Variants in ABHD13 observed in about 807,000 individuals in gnomAD.
ABHD13 encodes abhydrolase domain containing 13.
A neutral mutation model predicts 25.2 loss-of-function variants in ABHD13; 7 were observed. The ratio of observed to expected loss-of-function variants is 0.28; its 90% CI spans 0.16 to 0.52. ABHD13 has a LOEUF of 0.52. Ranked by LOEUF, ABHD13 falls within the 20% of genes least tolerant of loss-of-function variation. The pLI is 0.96. For synonymous variants in ABHD13, 133 were observed against 136.1 expected, an observed-to-expected ratio of 0.98 and a Z score of 0.16; for missense variants, 302 against 402.7, an observed-to-expected ratio of 0.75 and a Z score of 2.14.
intron 1 of ABHD13, among the ~76,000 whole-genome samples, chr13:108,219,646 C>T (rs1000801421): frequency 6.6e-6 from 1 of 152,210 alleles, no homozygotes; most frequent in East Asian, 1.9e-4. Flanking sequence ...GCCCACTATG[C>T]ATCAGGCACT....
chr13:108,230,671 T>G lies in ABHD13; in HGVS notation c.*439T>G, dbSNP rs1224774160. On this transcript the variant is annotated 3_prime_UTR_variant, in exon 2 of 2. Coordinates refer to ENST00000375898, the MANE Select transcript of ABHD13 (RefSeq NM_032859.3). ...TGCATTTTTCACCTTAAAAGTTAAA[T>G]GAAATGCATGATGGTATTTTATTCC... 1.2e-5 allele frequency: 2 copies of G among 170,814 alleles called. No homozygotes were observed. The highest frequency in any genetic ancestry group is 2.8e-5 in the Non-Finnish European group (2 of 70,672). The allele number at this position is 170,814 out of a possible 1,614,324, so 10.6% of individuals were successfully genotyped here.
chr13:108,219,157 A>G (rs1008899378), intron 1 of ABHD13, among the ~76,000 whole-genome samples: 1 of 152,156 alleles, frequency 6.6e-6, no homozygotes, highest in Non-Finnish European at 1.5e-5. Flanking sequence ...GAGAGCCCCG[A>G]TCTAATCACG....
chr13:108,230,323 C>T lies in ABHD13; in HGVS notation c.*91C>T, dbSNP rs926985686. On this transcript the variant is annotated 3_prime_UTR_variant, in exon 2 of 2. Transcript: ENST00000375898. ...AGAAGTGTGTTATGTCTGTACCTGT[C>T]TGAAGAGTGACATTAAACTTTGAAA... 1 of 1,121,162 alleles carries T rather than the reference C, an allele frequency of 8.9e-7. No individual in the cohort carries two copies. The allele number at this position is 1,121,162 out of a possible 1,614,324, so 69.5% of individuals were successfully genotyped here.
chr13:108,223,013 AG>A (rs1879599699), intron 1 of ABHD13, among the ~76,000 whole-genome samples: 1 of 152,236 alleles, frequency 6.6e-6, no homozygotes, highest in Non-Finnish European at 1.5e-5. Flanking sequence ...ACTTCCTTAA[AG>A]GTCAGTTATA....
intron 1 of ABHD13, among the ~76,000 whole-genome samples, chr13:108,224,991 T>C (rs1338827458): frequency 6.6e-6 from 1 of 152,242 alleles, no homozygotes; most frequent in East Asian, 1.9e-4. Flanking sequence ...CACTCACTAA[T>C]ATCAATGTGA....
At chr13:108,224,605 CA>C (rs1199097213) in intron 1 of ABHD13, among the ~76,000 whole-genome samples, 5 of 152,160 alleles carry the variant, frequency 3.3e-5, no homozygotes, top group Non-Finnish European at 4.4e-5. Flanking sequence ...GAAGCATGGC[CA>C]TCACTCATGC....
rs1346494390 is a variant in ABHD13 at position 108,234,079 on chromosome 13, G to T, written c.*3847G>T. ...TTTTGTTATTTGCCATATTTTATTTGAAGTGATAAAATTTTATAACTCAAA... is the reference window on the plus strand; with the variant it reads ...TTTTGTTATTTGCCATATTTTATTTTAAGTGATAAAATTTTATAACTCAAA... On this transcript the variant is annotated 3_prime_UTR_variant, in exon 2 of 2. Transcript: ENST00000375898. 3 of 166,682 alleles carry T rather than the reference G, an allele frequency of 1.8e-5. No individual in the cohort carries two copies. Among genetic ancestry groups the T allele is most frequent in the Non-Finnish European group, 4.4e-5 (3 of 67,932 alleles). The allele number at this position is 166,682 out of a possible 1,614,324, so 10.3% of individuals were successfully genotyped here. A position where few individuals can be genotyped will look rare whatever the true frequency, so the allele number is the denominator to read the frequency against.
chr13:108,222,186 A>T (rs1879583238), intron 1 of ABHD13, among the ~76,000 whole-genome samples: 1 of 152,120 alleles, frequency 6.6e-6, no homozygotes, highest in Non-Finnish European at 1.5e-5. Context: ...CTAGAATTTA[A>T]TTTGTAGGGC....
At chr13:108,220,784 C>T (rs1359883248) in intron 1 of ABHD13, among the ~76,000 whole-genome samples, 2 of 152,184 alleles carry the variant, frequency 1.3e-5, no homozygotes, top group African/African-American at 4.8e-5. Flanking sequence ...CTTACTTTCA[C>T]ATACTCAATG....
chr13:108,229,458 G>A lies in ABHD13; in HGVS notation c.240G>A (p.Met80Ile), dbSNP rs1413221416. The change falls in exon 2 of 2, where the codon ATG (methionine) becomes ATA (isoleucine). Residue 80 changes from methionine to isoleucine, a missense_variant. Transcript: ENST00000375898. This position sits in a 1 kb window ranked among gnomAD's most constrained non-coding sequence, Gnocchi z 4.7. ...CCTCTTCACGTCTTTATGTTCCCAT[G>A]CCCACTGGCATTCCACATGAAAACA... ...QPSSSRLYVP[M>I]PTGIPHENIF... 6.2e-7 allele frequency: 1 copy of A among 1,613,374 alleles called. No individual in the cohort carries two copies. Among genetic ancestry groups the A allele is most frequent in the East Asian group, 2.2e-5 (1 of 44,874 alleles).
At chr13:108,227,734 C>T (rs1002891168) in intron 1 of ABHD13, among the ~76,000 whole-genome samples, 1 of 151,926 alleles carries the variant, frequency 6.6e-6, no homozygotes, top group Non-Finnish European at 1.5e-5. Flanking sequence ...AATGACCAGC[C>T]TCATAGGTAA....
Position 108,233,355 on chromosome 13 carries a change from G to A in ABHD13, c.*3123G>A, listed in dbSNP as rs1879849775. On this transcript the variant is annotated 3_prime_UTR_variant, in exon 2 of 2. Transcript: ENST00000375898. ...ATAAATTATCTTTCAAGCTCAGATA[G>A]CTTAAGAGCAGTTTATATTAAGGAG... The A allele has an allele frequency of 2.4e-5, 4 of 166,854 alleles. No individual in the cohort carries two copies. The allele number at this position is 166,854 out of a possible 1,614,324, so 10.3% of individuals were successfully genotyped here. A position where few individuals can be genotyped will look rare whatever the true frequency, so the allele number is the denominator to read the frequency against.
chr13:108,234,103 A>G lies in ABHD13; in HGVS notation c.*3871A>G, dbSNP rs1313658952. On this transcript the variant is annotated 3_prime_UTR_variant, in exon 2 of 2. Transcript: ENST00000375898. The stretch of plus-strand genomic sequence containing the variant: ...TGAAGTGATAAAATTTTATAACTCA[A>G]ATTTGAATGTCATAGTACATTGTGT... 1 of 166,920 alleles carries G rather than the reference A, an allele frequency of 6.0e-6. No individual in the cohort carries two copies. Among genetic ancestry groups the G allele is most frequent in the African/African-American group, 2.4e-5 (1 of 41,446 alleles). The allele number at this position is 166,920 out of a possible 1,614,324, so 10.3% of individuals were successfully genotyped here.
At position 108,224,435 on chromosome 13, in the gene ABHD13, C is replaced by G. The variant is rs116641676; in HGVS notation, c.-20-4764C>G. ...TCCCCTGGGAGCCTGCAGTGATATTCTGAGGACTCATACCATTCGTAGTGG... is the reference window on the plus strand; with the variant it reads ...TCCCCTGGGAGCCTGCAGTGATATTGTGAGGACTCATACCATTCGTAGTGG... On this transcript the variant is annotated intron_variant, in intron 1 of 1. Coordinates refer to ENST00000375898, the MANE Select transcript of ABHD13 (RefSeq NM_032859.3). Among the ~76,000 whole-genome samples the G allele has an allele frequency of 6.7e-3, 1,026 of 152,304 alleles. 13 individuals are homozygous for G. The highest frequency in any genetic ancestry group is 0.024 in the African/African-American group (987 of 41,558).
intron 1 of ABHD13, among the ~76,000 whole-genome samples, chr13:108,219,661 C>G (rs2139007104): frequency 6.6e-6 from 1 of 152,320 alleles, no homozygotes; most frequent in East Asian, 1.9e-4. Flanking sequence ...GGCACTGCTG[C>G]GTACAGAAAA....
In ABHD13 at chr13:108,229,693, G is replaced by A; in HGVS notation, c.475G>A (p.Glu159Lys). Residue 159 changes from glutamate to lysine, a missense_variant, in exon 2 of 2, where the codon GAA (glutamate) becomes AAA (lysine). Coordinates refer to ENST00000375898, the MANE Select transcript of ABHD13 (RefSeq NM_032859.3). The surrounding 1 kb of genome is among the most constrained non-coding windows in gnomAD (Gnocchi z 4.7). ...DYRGYGKSEG[E>K]ASEEGLYLDS... is the part of the protein sequence containing the mutation. ...TCGAGGATATGGAAAAAGTGAAGGA[G>A]AAGCAAGTGAAGAAGGACTCTACTT... 6.2e-7 allele frequency: 1 copy of A among 1,613,320 alleles called. No individual in the cohort carries two copies.
At position 108,230,241 on chromosome 13, in the gene ABHD13, T is replaced by C; in HGVS notation, c.*9T>C. On this transcript the variant is annotated 3_prime_UTR_variant, in exon 2 of 2. Transcript: ENST00000375898. ...ATGTAACAATTATATAATGTTTCCC[T>C]TTTTGATTATTGCATTGTATTTTAA... The C allele has an allele frequency of 6.5e-7, 1 of 1,546,950 alleles. No individual in the cohort carries two copies. Among genetic ancestry groups the C allele is most frequent in the Non-Finnish European group, 8.7e-7 (1 of 1,144,344 alleles).
intron 1 of ABHD13, among the ~76,000 whole-genome samples, chr13:108,223,457 A>G (rs1879607947): frequency 6.6e-6 from 1 of 152,230 alleles, no homozygotes; most frequent in Non-Finnish European, 1.5e-5. Flanking sequence ...TTGTCACACA[A>G]TGTGTTAAAA....
chr13:108,226,266 TG>T (rs1270963920), intron 1 of ABHD13, among the ~76,000 whole-genome samples: 1 of 152,222 alleles, frequency 6.6e-6, no homozygotes, highest in Non-Finnish European at 1.5e-5. Context: ...CTGGCTTAGC[TG>T]CTTCATGCTC....
Sources: gnomAD v4.1 joint callset for allele counts (sites outside exome capture counted in the v4.1 genomes callset) on GRCh38, gnomAD v4.1.1 for gene constraint, Gnocchi (gnomAD v3.1) non-coding constraint, MANE v1.5 for transcripts, NCBI Gene and HGNC (gene_info 2026-07-23, HGNC 2026-07-21) for gene names.